Variants in STK32B observed in about 807,000 individuals in gnomAD.
STK32B encodes serine/threonine-protein kinase 32B.
In STK32B, 43 loss-of-function variants were observed where a neutral mutation model predicts 52.6. That is an observed-to-expected ratio of 0.82 (90% confidence interval 0.64 to 1.05). STK32B has a LOEUF of 1.05. Ranked by LOEUF, STK32B falls within the 50% of genes least tolerant of loss-of-function variation. STK32B has a pLI of 0.00. For missense variants in STK32B, 621 were observed against 534.6 expected, an observed-to-expected ratio of 1.16 and a Z score of -1.59; for synonymous variants, 238 against 204.3, an observed-to-expected ratio of 1.17 and a Z score of -1.41.
intron 6 of STK32B, chr4:5,436,493 T>C (rs1714093279): frequency 1.7e-6 from 1 of 602,990 alleles, no homozygotes; most frequent in Non-Finnish European, 2.1e-6. Flanking sequence ...TACCATCATC[T>C]GTGGCATGTC....
At chr4:5,062,379 A>G (rs1176977638) in intron 1 of STK32B, among the ~76,000 whole-genome samples, 4 of 152,206 alleles carry the variant, frequency 2.6e-5, no homozygotes, top group Non-Finnish European at 5.9e-5. Flanking sequence ...AAATGAGCCA[A>G]CTCATGAACC....
chr4:5,335,262 C>T lies in STK32B; in HGVS notation c.434+3869C>T, dbSNP rs374300527. On this transcript the variant is annotated intron_variant, in intron 4 of 11. Coordinates refer to ENST00000282908, the MANE Select transcript of STK32B (RefSeq NM_018401.3). ...TCTTCTAGATTTTCTAGTTTATTTG[C>T]GTAGAGGTGTTTGTAGTATTCTCTG... Among the ~76,000 whole-genome samples the T allele has an allele frequency of 4.0e-3, 609 of 152,190 alleles. 7 individuals carry two copies. The highest frequency in any genetic ancestry group is 0.014 in the African/African-American group (585 of 41,542).
chr4:5,484,992 C>A (rs545715939), intron 11 of STK32B, among the ~76,000 whole-genome samples: 1 of 152,210 alleles, frequency 6.6e-6, no homozygotes, highest in Admixed American at 6.5e-5. Context: ...TTGTGGGTAA[C>A]CCGACCTTTC....
intron 3 of STK32B, among the ~76,000 whole-genome samples, chr4:5,260,003 G>A (rs1239933773): frequency 6.6e-6 from 1 of 151,902 alleles, no homozygotes; most frequent in East Asian, 1.9e-4. Flanking sequence ...TCTTCCTGAG[G>A]GGGGGTCAAG....
intron 3 of STK32B, among the ~76,000 whole-genome samples, chr4:5,195,889 T>A (rs1223399981): frequency 6.6e-6 from 1 of 152,226 alleles, no homozygotes; most frequent in African/African-American, 2.4e-5. Context: ...TTAAAAGTTG[T>A]TATGACCAGT....
chr4:5,110,242 G>A (rs1302571325), intron 1 of STK32B, among the ~76,000 whole-genome samples: 27 of 130,986 alleles, frequency 2.1e-4, no homozygotes, highest in Admixed American at 3.1e-4. Context: ...CACAAAATTA[G>A]AAAAAAAAAT....
At chr4:5,272,508 T>C (rs1465405958) in intron 3 of STK32B, among the ~76,000 whole-genome samples, 1 of 149,690 alleles carries the variant, frequency 6.7e-6, no homozygotes, top group Non-Finnish European at 1.5e-5. Flanking sequence ...ATCAGAATGA[T>C]GCTGGCCTCA....
At position 5,399,747 on chromosome 4, in the gene STK32B, C is replaced by T. The variant is rs1479548447; in HGVS notation, c.472+1503C>T. Among the ~76,000 whole-genome samples the T allele has an allele frequency of 6.6e-6, 1 of 152,184 alleles. No homozygotes were observed. The highest frequency in any genetic ancestry group is 1.9e-4 in the East Asian group (1 of 5,176). On this transcript the variant is annotated intron_variant, in intron 5 of 11. Coordinates refer to ENST00000282908, the MANE Select transcript of STK32B (RefSeq NM_018401.3). This position sits in a 1 kb window ranked among gnomAD's most constrained non-coding sequence, Gnocchi z 5.4. Reference sequence around the variant, plus strand: ...CAGCGATGCAGAAGTAATTGACCCACCTTGCAGGGTGGTGAATGTCTCATC... The same window carrying T: ...CAGCGATGCAGAAGTAATTGACCCATCTTGCAGGGTGGTGAATGTCTCATC...
At chr4:5,363,621 T>C (rs1462096169) in intron 4 of STK32B, among the ~76,000 whole-genome samples, 1 of 152,170 alleles carries the variant, frequency 6.6e-6, no homozygotes, top group African/African-American at 2.4e-5. Context: ...GACTTTTAGA[T>C]CAAGACTATG....
At chr4:5,485,726 C>T (rs539072174) in intron 11 of STK32B, among the ~76,000 whole-genome samples, 17 of 152,154 alleles carry the variant, frequency 1.1e-4, no homozygotes, top group South Asian at 4.2e-4. Context: ...TTTTATCTAC[C>T]TTTGGTCTTT....
intron 1 of STK32B, among the ~76,000 whole-genome samples, chr4:5,054,350 G>A (rs190220163): frequency 2.0e-5 from 3 of 152,098 alleles, no homozygotes; most frequent in Admixed American, 6.5e-5. Context: ...AACTCAGAGT[G>A]GGGGGAGGGA....
At chr4:5,436,253 C>T (rs557563497) in intron 6 of STK32B, among the ~76,000 whole-genome samples, 2 of 152,196 alleles carry the variant, frequency 1.3e-5, no homozygotes, top group East Asian at 1.9e-4. Context: ...GTGAACATCA[C>T]CAAAGCACAT....
intron 1 of STK32B, chr4:5,139,448 C>CA (rs1278559226): frequency 6.1e-6 from 1 of 163,794 alleles, no homozygotes; most frequent in Non-Finnish European, 1.3e-5. Context: ...AAAGGCTTGA[C>CA]AGACTCTAGT....
rs796861078 is a variant in STK32B, at chr4:5,172,255, C to G, written c.260+3805C>G. On this transcript the variant is annotated intron_variant, in intron 3 of 11. Coordinates refer to ENST00000282908, the MANE Select transcript of STK32B (RefSeq NM_018401.3). Reference sequence around the variant, plus strand: ...GATATACAATCATGTCGTCTGCAAACAGGGACAATTTGACTTCCTCTTTTC... The same window carrying G: ...GATATACAATCATGTCGTCTGCAAAGAGGGACAATTTGACTTCCTCTTTTC... Among the ~76,000 whole-genome samples the G allele has an allele frequency of 2.4e-3, 358 of 152,248 alleles. 6 individuals are homozygous for G. The East Asian group carries it at 0.053, about 22-fold the overall frequency.
At chr4:5,478,117 T>C (rs1718382449) in intron 11 of STK32B, among the ~76,000 whole-genome samples, 1 of 152,184 alleles carries the variant, frequency 6.6e-6, no homozygotes. Context: ...TGAAAAGCCA[T>C]GTGACCTACT....
intron 3 of STK32B, among the ~76,000 whole-genome samples, chr4:5,237,668 G>A (rs1302801842): frequency 6.6e-6 from 1 of 152,206 alleles, no homozygotes; most frequent in Non-Finnish European, 1.5e-5. Flanking sequence ...ATCATTGCAA[G>A]GTGGTGTGTG....
chr4:5,362,501 C>G (rs1246595215), intron 4 of STK32B, among the ~76,000 whole-genome samples: 1 of 152,100 alleles, frequency 6.6e-6, no homozygotes, highest in Non-Finnish European at 1.5e-5. Context: ...ACAGAGGGCA[C>G]TTTGTACAAG....
At chr4:5,446,577 AAAAC>A (rs1715449294) in intron 6 of STK32B, 92 bp from the exon 7 acceptor site, 4 of 1,136,508 alleles carry the variant, frequency 3.5e-6, no homozygotes, top group Non-Finnish European at 5.0e-6. Context: ...AAAAAAAAAA[AAAAC>A]AAGCTCAATT....
intron 3 of STK32B, among the ~76,000 whole-genome samples, chr4:5,317,449 A>ATG (rs1491284969): frequency 5.5e-5 from 2 of 36,322 alleles, no homozygotes; most frequent in Admixed American, 2.9e-4. Context: ...TATATACATA[A>ATG]TATATATAAT....
Sources: allele counts gnomAD v4.1 joint callset (sites outside exome capture counted in the v4.1 genomes callset), GRCh38; gene constraint gnomAD v4.1.1; non-coding constraint Gnocchi (gnomAD v3.1); transcripts MANE v1.5; gene names NCBI Gene and HGNC (gene_info 2026-07-23, HGNC 2026-07-21).